Variants in PRKD1 observed in about 807,000 individuals in gnomAD.
The protein encoded by PRKD1 is serine/threonine-protein kinase D1.
Under a neutral mutation model 95.9 loss-of-function variants are expected in PRKD1, and 63 were observed. The ratio of observed to expected loss-of-function variants is 0.66; its 90% CI spans 0.54 to 0.81. The LOEUF (loss-of-function observed/expected upper bound fraction) is 0.81, where lower values mean the gene tolerates loss of function less well. PRKD1 is among the 30% of genes least tolerant of loss of function. PRKD1 has a pLI of 0.00. For synonymous variants in PRKD1, 425 were observed against 423.1 expected, an observed-to-expected ratio of 1.00 and a Z score of -0.05; for missense variants, 1,048 against 1,165.3, an observed-to-expected ratio of 0.90 and a Z score of 1.47.
intron 13 of PRKD1, among the ~76,000 whole-genome samples, chr14:29,606,101 C>A (rs183645792): frequency 6.6e-5 from 10 of 152,284 alleles, no homozygotes; most frequent in South Asian, 6.2e-4. Flanking sequence ...CAGCCTCCCC[C>A]TCTCGGGTTC....
At chr14:29,624,635 A>T (rs1879495609) in intron 12 of PRKD1, among the ~76,000 whole-genome samples, 1 of 152,190 alleles carries the variant, frequency 6.6e-6, no homozygotes, top group Non-Finnish European at 1.5e-5. Flanking sequence ...TGATAAGATA[A>T]TGTATGTTAT....
intron 1 of PRKD1, among the ~76,000 whole-genome samples, chr14:29,794,665 C>T (rs45507493): frequency 6.6e-6 from 1 of 151,942 alleles, no homozygotes; most frequent in South Asian, 2.1e-4. Context: ...CCCCTCTGCC[C>T]CTTCTCATTC....
At chr14:29,816,227 G>GTAAA (rs1192406256) in intron 1 of PRKD1, among the ~76,000 whole-genome samples, 22 of 152,024 alleles carry the variant, frequency 1.4e-4, no homozygotes, top group African/African-American at 4.8e-4. Flanking sequence ...CTCCATCTCA[G>GTAAA]TAAATAAATA....
At chr14:29,831,115 T>C (rs1233906746) in intron 1 of PRKD1, among the ~76,000 whole-genome samples, 2 of 152,246 alleles carry the variant, frequency 1.3e-5, no homozygotes, top group African/African-American at 4.8e-5. Context: ...TATTGAGTGA[T>C]ATGATACTTG....
intron 1 of PRKD1, among the ~76,000 whole-genome samples, chr14:29,842,483 T>C (rs1287816857): frequency 1.3e-5 from 2 of 152,180 alleles, no homozygotes; most frequent in Admixed American, 1.3e-4. Context: ...CATAGGAACA[T>C]CATTGTATAG....
chr14:29,859,910 C>A (rs573537029), intron 1 of PRKD1, among the ~76,000 whole-genome samples: 2 of 152,194 alleles, frequency 1.3e-5, no homozygotes, highest in African/African-American at 4.8e-5. Context: ...TCTTTAAAAA[C>A]AATGCATAAT....
In PRKD1 at chr14:29,604,634, C is replaced by A. The variant is rs146301942; in HGVS notation, c.1906-4817G>T. ...TTGCCAGGGTCAAGAGAAGAGCACA[C>A]CTTCTTATCCATTTTCTAATTACTG... On this transcript the variant is annotated intron_variant, in intron 13 of 17. Transcript: ENST00000331968. Among the ~76,000 whole-genome samples the A allele has an allele frequency of 6.2e-4, 94 of 152,190 alleles. No homozygotes were observed. In the East Asian group the frequency reaches 9.3e-3, roughly 15 times the overall value.
At chr14:29,644,634 G>A (rs748338145) in intron 4 of PRKD1, among the ~76,000 whole-genome samples, 1 of 151,898 alleles carries the variant, frequency 6.6e-6, no homozygotes, top group Non-Finnish European at 1.5e-5. Context: ...TTTATCTGGG[G>A]ACTAAATCTA....
At chr14:29,590,644 AT>A (rs1022001706) in intron 16 of PRKD1, among the ~76,000 whole-genome samples, 2 of 152,178 alleles carry the variant, frequency 1.3e-5, no homozygotes, top group African/African-American at 2.4e-5. Flanking sequence ...AATCAGCAAT[AT>A]GTGGAGTAAT....
At chr14:29,828,478 T>A (rs1891281988) in intron 1 of PRKD1, among the ~76,000 whole-genome samples, 1 of 151,964 alleles carries the variant, frequency 6.6e-6, no homozygotes, top group Admixed American at 6.6e-5. Flanking sequence ...AACATAGAGG[T>A]CACATTTCGA....
intron 1 of PRKD1, among the ~76,000 whole-genome samples, chr14:29,825,894 T>C (rs1357006799): frequency 6.6e-6 from 1 of 151,994 alleles, no homozygotes; most frequent in South Asian, 2.1e-4. Context: ...AAAACAAAAA[T>C]GAACACCTAT....
chr14:29,913,858 G>A (rs1225259519), intron 1 of PRKD1, among the ~76,000 whole-genome samples: 3 of 152,204 alleles, frequency 2.0e-5, no homozygotes, highest in African/African-American at 7.2e-5. Flanking sequence ...TTGACTAACA[G>A]ATATCTAGTA....
At chr14:29,785,012 C>T (rs1456759520) in intron 1 of PRKD1, among the ~76,000 whole-genome samples, 2 of 152,184 alleles carry the variant, frequency 1.3e-5, no homozygotes, top group African/African-American at 4.8e-5. Context: ...AATTCCATCT[C>T]CTTTTACTGC....
Position 29,666,211 on chromosome 14 carries a change from G to C in PRKD1, c.404-3C>G. On this transcript the variant is annotated splice_region_variant and splice_polypyrimidine_tract_variant and intron_variant, in intron 2 of 17. Coordinates refer to ENST00000331968, the MANE Select transcript of PRKD1 (RefSeq NM_002742.3). ...AAAGTCTTCAAAGGTGGCGGAAGCT[G>C]TAAAAATAGTGATGTTGAAAAGTAA... is the stretch of plus-strand genomic sequence containing the variant. The C allele has an allele frequency of 6.3e-7, 1 of 1,583,656 alleles. No individual in the cohort carries two copies.
At chr14:29,704,863 T>C (rs1271909669) in intron 2 of PRKD1, among the ~76,000 whole-genome samples, 1 of 152,140 alleles carries the variant, frequency 6.6e-6, no homozygotes, top group African/African-American at 2.4e-5. Context: ...TCTAGAAGGA[T>C]TTGGTATATC....
At chr14:29,582,439 G>GTT (rs1240844197) in intron 16 of PRKD1, among the ~76,000 whole-genome samples, 1 of 151,884 alleles carries the variant, frequency 6.6e-6, no homozygotes, top group African/African-American at 2.4e-5. Context: ...AAATACCTTG[G>GTT]TATCTCTCTC....
chr14:29,727,780 A>T (rs1416782150), intron 1 of PRKD1, among the ~76,000 whole-genome samples: 1 of 151,962 alleles, frequency 6.6e-6, no homozygotes, highest in Non-Finnish European at 1.5e-5. Flanking sequence ...ACAATGATAG[A>T]CTGGATTAAG....
At chr14:29,843,806 T>C (rs1891966666) in intron 1 of PRKD1, among the ~76,000 whole-genome samples, 1 of 152,148 alleles carries the variant, frequency 6.6e-6, no homozygotes, top group African/African-American at 2.4e-5. Context: ...AAATGGTAAA[T>C]GTTATAGAGA....
chr14:29,644,001 AATC>A (rs1301201436), intron 4 of PRKD1, among the ~76,000 whole-genome samples: 2 of 152,342 alleles, frequency 1.3e-5, no homozygotes, highest in East Asian at 3.9e-4. Flanking sequence ...GATTTGTCTG[AATC>A]ATTTGATAAT....
Sources: allele counts gnomAD v4.1 joint callset (sites outside exome capture counted in the v4.1 genomes callset), GRCh38; gene constraint gnomAD v4.1.1; transcripts MANE v1.5; gene names NCBI Gene and HGNC (gene_info 2026-07-23, HGNC 2026-07-21).